CHD7: variants seen among roughly 807,000 people sequenced by gnomAD.
The protein encoded by CHD7 is chromodomain helicase DNA binding protein 7.
In CHD7, 24 loss-of-function variants were observed where a neutral mutation model predicts 307.3. That is an observed-to-expected ratio of 0.08 (90% CI 0.06 to 0.11). The LOEUF is 0.11. CHD7 is among the 10% of genes least tolerant of loss of function. The pLI is 1.00. For synonymous variants in CHD7, 1,363 were observed against 1,349.9 expected (o/e 1.01, Z -0.21); for missense variants, 3,106 against 3,727.1 (o/e 0.83, Z 4.34).
intron 6 of CHD7, among the ~76,000 whole-genome samples, chr8:60,804,754 T>C (rs1812465218): frequency 6.6e-6 from 1 of 152,238 alleles, no homozygotes; most frequent in African/African-American, 2.4e-5. Flanking sequence ...AGGAAAGGCC[T>C]AAGTTAGGCC....
intron 4 of CHD7, among the ~76,000 whole-genome samples, chr8:60,795,494 C>G (rs920551357): frequency 2.6e-5 from 4 of 152,144 alleles, no homozygotes; most frequent in Non-Finnish European, 5.9e-5. Context: ...TTGATTGTCA[C>G]TTTTTTGAAT....
intron 7 of CHD7, among the ~76,000 whole-genome samples, chr8:60,810,433 C>A (rs1812745545): frequency 6.6e-6 from 1 of 150,650 alleles, no homozygotes; most frequent in African/African-American, 2.4e-5. Context: ...ACACACTTAT[C>A]TGTTTATTAT....
intron 7 of CHD7, among the ~76,000 whole-genome samples, chr8:60,810,380 A>AGAGTGT (rs534826288): frequency 1.5e-3 from 212 of 146,084 alleles, no homozygotes; most frequent in East Asian, 4.2e-3. Context: ...AGAGAGAGAG[A>AGAGTGT]GTGTGTGTGT....
rs183752074 is a variant in CHD7 at position 60,811,545 on chromosome 8, G to T, written c.2498+3273G>T. Among the ~76,000 whole-genome samples the T allele has an allele frequency of 1.6e-3, 247 of 152,206 alleles. 1 individual carries two copies. Among genetic ancestry groups the T allele is most frequent in the African/African-American group, 5.7e-3 (238 of 41,528 alleles). On this transcript the variant is annotated intron_variant, in intron 7 of 37. Coordinates refer to ENST00000423902, the MANE Select transcript of CHD7 (RefSeq NM_017780.4). ...TCAGCTGTATAATATTCCATTGCAT[G>T]ACTGCCGTAACCATTCAACCAGCCT...
At chr8:60,695,886 G>A (rs1328086130) in intron 1 of CHD7, among the ~76,000 whole-genome samples, 1 of 152,154 alleles carries the variant, frequency 6.6e-6, no homozygotes, top group East Asian at 1.9e-4. Flanking sequence ...AGTTTCATAA[G>A]TATAAACTTC....
chr8:60,867,809 T>G lies in CHD7; in HGVS notation c.*1876T>G, dbSNP rs1189814106. 1 of 152,172 alleles carries G rather than the reference T, an allele frequency of 6.6e-6. No homozygotes were observed. The highest frequency in any genetic ancestry group is 1.5e-5 in the Non-Finnish European group (1 of 68,044). 9.4% of individuals were successfully genotyped at this position (152,172 alleles called of 1,614,324 possible). A position where few individuals can be genotyped will look rare whatever the true frequency, so the allele number is the denominator to read the frequency against. ...TCCACCTTACAGATCCTGTGATTGCTTTTATTTATCATCGTCGTTGTCTGC... is the reference window on the plus strand; with the variant it reads ...TCCACCTTACAGATCCTGTGATTGCGTTTATTTATCATCGTCGTTGTCTGC... On this transcript the variant is annotated 3_prime_UTR_variant, in exon 38 of 38. Transcript: ENST00000423902.
At chr8:60,704,338 T>G (rs947836483) in intron 1 of CHD7, among the ~76,000 whole-genome samples, 3 of 151,892 alleles carry the variant, frequency 2.0e-5, no homozygotes, top group African/African-American at 7.3e-5. Flanking sequence ...CAAACCTGTG[T>G]AAGTACAACT....
intron 2 of CHD7, among the ~76,000 whole-genome samples, chr8:60,769,140 A>G (rs1810600156): frequency 1.3e-5 from 2 of 152,216 alleles, no homozygotes; most frequent in African/African-American, 4.8e-5. Context: ...GCGTTCAGGT[A>G]TTTCCAAATA....
intron 1 of CHD7, among the ~76,000 whole-genome samples, chr8:60,734,021 A>C (rs1312164796): frequency 6.6e-6 from 1 of 152,220 alleles, no homozygotes; most frequent in Admixed American, 6.5e-5. Context: ...TAAATTTGTC[A>C]CTAAGGGCTG....
chr8:60,795,342 A>G (rs372729384), intron 4 of CHD7, among the ~76,000 whole-genome samples: 1 of 152,190 alleles, frequency 6.6e-6, no homozygotes, highest in Non-Finnish European at 1.5e-5. Context: ...TGGTTTTGCT[A>G]TCTTTGACTC....
chr8:60,833,984 C>A (rs1586412446), intron 15 of CHD7, among the ~76,000 whole-genome samples: 1 of 152,078 alleles, frequency 6.6e-6, no homozygotes, highest in South Asian at 2.1e-4. Flanking sequence ...AACTGGCTGC[C>A]AGTTGTAAGA....
chr8:60,787,302 G>T (rs112453485), intron 3 of CHD7, among the ~76,000 whole-genome samples: 15 of 152,264 alleles, frequency 9.9e-5, no homozygotes, highest in Middle Eastern at 3.4e-3. Context: ...ATTAGAGACC[G>T]TAATGATGAA....
intron 1 of CHD7, among the ~76,000 whole-genome samples, chr8:60,735,773 T>TA (rs1808674615): frequency 4.6e-5 from 7 of 152,220 alleles, no homozygotes; most frequent in Admixed American, 4.6e-4. Context: ...TTAAACATGT[T>TA]ACCTCTAAGA....
At chr8:60,737,810 T>A (rs2150572037) in intron 1 of CHD7, among the ~76,000 whole-genome samples, 1 of 152,380 alleles carries the variant, frequency 6.6e-6, no homozygotes, top group South Asian at 2.1e-4. Context: ...CAACCTATAT[T>A]TTTAATAACA....
rs1335726443 is a variant in CHD7 at position 60,822,485 on chromosome 8, T to G, written c.2958-18T>G. ...ATCCATACTCATTAAACTTTTGTAC[T>G]TCATTTTCCTCCTAAAGGCGAAACT... On this transcript the variant is annotated intron_variant, in intron 11 of 37. Transcript: ENST00000423902. 4 of 1,611,120 alleles carry G rather than the reference T, an allele frequency of 2.5e-6. No homozygotes were observed. In the East Asian group the frequency reaches 6.7e-5, roughly 27 times the overall value.
chr8:60,841,526 G>A, intron 19 of CHD7, 118 bp from the exon 20 acceptor site: 1 of 762,276 alleles, frequency 1.3e-6, no homozygotes. Context: ...ATCTACTGTA[G>A]TGTCTGGCAT....
chr8:60,826,243 GTAC>G (rs1415899954), intron 13 of CHD7, among the ~76,000 whole-genome samples: 1 of 152,094 alleles, frequency 6.6e-6, no homozygotes, highest in Admixed American at 6.5e-5. Flanking sequence ...CTTATAACCT[GTAC>G]TCATCCTTGA....
chr8:60,813,343 GCAAA>G (rs906830145), intron 7 of CHD7, among the ~76,000 whole-genome samples: 64 of 152,212 alleles, frequency 4.2e-4, no homozygotes, highest in African/African-American at 1.5e-3. Context: ...CATATAATCT[GCAAA>G]CAGAGATAGC....
chr8:60,861,989 A>G lies in CHD7; in HGVS notation c.7831-207A>G, dbSNP rs576865723. 8 of 390,614 alleles carry G rather than the reference A, an allele frequency of 2.0e-5. No individual in the cohort carries two copies. The South Asian group carries it at 2.2e-4, about 11-fold the overall frequency. 24.2% of individuals were successfully genotyped at this position (390,614 alleles called of 1,614,324 possible). A position where few individuals can be genotyped will look rare whatever the true frequency, so the allele number is the denominator to read the frequency against. On this transcript the variant is annotated intron_variant, in intron 35 of 37. Coordinates refer to ENST00000423902, the MANE Select transcript of CHD7 (RefSeq NM_017780.4). ...TATTGATAGATAAAAGGAAAAGCCA[A>G]TTCTCACTTATGTATTCCTTAATGG...
Sources: allele counts gnomAD v4.1 joint callset (sites outside exome capture counted in the v4.1 genomes callset), GRCh38; gene constraint gnomAD v4.1.1; transcripts MANE v1.5; gene names NCBI Gene and HGNC (gene_info 2026-07-23, HGNC 2026-07-21).